DDX46: variants seen among roughly 807,000 people sequenced by gnomAD.
The protein encoded by DDX46 is DEAD-box helicase 46.
In DDX46, 30 loss-of-function variants were observed where a neutral mutation model predicts 134.9. The ratio of observed to expected loss-of-function variants is 0.22; its 90% CI spans 0.17 to 0.30. DDX46 has a LOEUF of 0.30. Among genes scored for constraint, DDX46 ranks in the 10% least tolerant of loss-of-function variants. The probability of loss-of-function intolerance (pLI) is 1.00; values close to 1 mark genes in which losing one functional copy is unlikely to be tolerated. For synonymous variants in DDX46, 415 were observed against 404.1 expected (o/e 1.03, Z -0.32); for missense variants, 622 against 1,248.7 (o/e 0.50, Z 7.56).
At chr5:134,772,866 A>G (rs746453719) in intron 4 of DDX46, among the ~76,000 whole-genome samples, 4 of 152,026 alleles carry the variant, frequency 2.6e-5, no homozygotes, top group Admixed American at 6.6e-5. Context: ...CAATGGCGTG[A>G]TCTCAGCTCG....
chr5:134,761,312 G>T (rs531539857), intron 1 of DDX46, among the ~76,000 whole-genome samples: 2 of 152,288 alleles, frequency 1.3e-5, no homozygotes, highest in South Asian at 2.1e-4. Context: ...GGCATGAGCC[G>T]CTGTGCCCAG....
chr5:134,812,952 T>G (rs1755188702), intron 18 of DDX46, among the ~76,000 whole-genome samples: 1 of 152,028 alleles, frequency 6.6e-6, no homozygotes, highest in Non-Finnish European at 1.5e-5. Context: ...AAGTCATTTT[T>G]TTTTTTTTGA....
At chr5:134,771,799 G>C (rs778279634) in intron 4 of DDX46, among the ~76,000 whole-genome samples, 3 of 152,114 alleles carry the variant, frequency 2.0e-5, no homozygotes, top group Non-Finnish European at 4.4e-5. Context: ...GATAAAAAAG[G>C]AAGATTAAAT....
chr5:134,790,588 A>T (rs1382024228), intron 13 of DDX46, 36 bp downstream of exon 13: 5 of 1,553,562 alleles, frequency 3.2e-6, no homozygotes, highest in Non-Finnish European at 4.4e-6. Flanking sequence ...TTGAAATGTA[A>T]ATATAACTTT....
rs538791212 is a variant in DDX46, at chr5:134,817,239, C to T, written c.2614-257C>T. On this transcript the variant is annotated intron_variant, in intron 19 of 22. Coordinates refer to ENST00000452510, the MANE Select transcript of DDX46 (RefSeq NM_001300860.2). ...ACATCAAGAGTTAGCTAATTATCAA[C>T]TACATCTCTATGATCTAGTAGAATA... 798 of 398,508 alleles carry T rather than the reference C, an allele frequency of 2.0e-3. 3 individuals are homozygous for T. Among genetic ancestry groups the T allele is most frequent in the Admixed American group, 2.6e-3 (60 of 23,468 alleles). 24.7% of individuals were successfully genotyped at this position (398,508 alleles called of 1,614,324 possible).
intron 4 of DDX46, among the ~76,000 whole-genome samples, chr5:134,771,860 G>T (rs60915010): frequency 6.6e-6 from 1 of 152,054 alleles, no homozygotes; most frequent in African/African-American, 2.4e-5. Context: ...ACATCTATAC[G>T]CAATATCTGT....
chr5:134,793,037 G>A (rs1370038353), intron 13 of DDX46, among the ~76,000 whole-genome samples: 2 of 152,006 alleles, frequency 1.3e-5, no homozygotes, highest in Non-Finnish European at 2.9e-5. Context: ...TGCGCCTATC[G>A]TCCCAGCTAC....
chr5:134,807,724 T>G, intron 15 of DDX46, 24 bp from the exon 16 acceptor site: 1 of 1,591,924 alleles, frequency 6.3e-7, no homozygotes, highest in African/African-American at 1.3e-5. Context: ...GAACATGTTT[T>G]AAAGCTCTCT....
At chr5:134,764,230 G>C in intron 2 of DDX46, 138 bp downstream of exon 2, 1 of 743,786 alleles carries the variant, frequency 1.3e-6, no homozygotes, top group Admixed American at 3.1e-5. Context: ...CTACTTGTTT[G>C]ATTAGACCCA....
chr5:134,767,339 ACT>A (rs1251306270), intron 3 of DDX46, among the ~76,000 whole-genome samples: 7 of 152,028 alleles, frequency 4.6e-5, no homozygotes, highest in African/African-American at 1.4e-4. Flanking sequence ...CTTTGTAGAA[ACT>A]CTGTCATTTT....
At chr5:134,772,688 T>G (rs1015181556) in intron 4 of DDX46, among the ~76,000 whole-genome samples, 1 of 152,090 alleles carries the variant, frequency 6.6e-6, no homozygotes, top group Non-Finnish European at 1.5e-5. Flanking sequence ...GTATTTTTCG[T>G]AGAAATGGGG....
intron 3 of DDX46, among the ~76,000 whole-genome samples, chr5:134,767,764 A>C (rs746089163): frequency 6.6e-6 from 1 of 151,786 alleles, no homozygotes; most frequent in Non-Finnish European, 1.5e-5. Context: ...CAGCCTGACC[A>C]TTGTGGATAA....
At chr5:134,799,398 C>T (rs567887767) in intron 15 of DDX46, among the ~76,000 whole-genome samples, 14 of 151,038 alleles carry the variant, frequency 9.3e-5, no homozygotes, top group Admixed American at 8.6e-4. Context: ...CATCCCTCCT[C>T]AGCCTCCTAA....
At chr5:134,798,420 C>G (rs1419707969) in intron 15 of DDX46, among the ~76,000 whole-genome samples, 1 of 152,122 alleles carries the variant, frequency 6.6e-6, no homozygotes, top group Non-Finnish European at 1.5e-5. Flanking sequence ...CCAGGCTGTT[C>G]TTGAGCTCCT....
chr5:134,816,206 C>G (rs929017175), intron 18 of DDX46, among the ~76,000 whole-genome samples: 5 of 152,162 alleles, frequency 3.3e-5, no homozygotes, highest in Non-Finnish European at 7.4e-5. Context: ...TCTCTGTTTT[C>G]TATTTTTCTC....
chr5:134,774,640 G>A (rs922732731), intron 5 of DDX46, among the ~76,000 whole-genome samples: 1 of 152,134 alleles, frequency 6.6e-6, no homozygotes, highest in Non-Finnish European at 1.5e-5. Flanking sequence ...CAATGTGAAC[G>A]TTAGTAAGGA....
At chr5:134,785,722 A>G in intron 11 of DDX46, 136 bp downstream of exon 11, 1 of 1,060,942 alleles carries the variant, frequency 9.4e-7, no homozygotes, top group East Asian at 2.8e-5. Context: ...AAGTATAAAA[A>G]TAATAGTAAG....
At chr5:134,827,069 T>C in intron 22 of DDX46, 49 bp downstream of exon 22, 1 of 1,535,678 alleles carries the variant, frequency 6.5e-7, no homozygotes, top group Non-Finnish European at 8.8e-7. Flanking sequence ...ATAAGTGTTT[T>C]ATTGAAATAT....
intron 13 of DDX46, among the ~76,000 whole-genome samples, chr5:134,794,405 A>G (rs561874803): frequency 6.6e-6 from 1 of 152,314 alleles, no homozygotes; most frequent in East Asian, 1.9e-4. Context: ...TTCTATCAGC[A>G]CAATTGTTGT....
Sources: gnomAD v4.1 joint callset for allele counts (sites outside exome capture counted in the v4.1 genomes callset) on GRCh38, gnomAD v4.1.1 for gene constraint, MANE v1.5 for transcripts, NCBI Gene and HGNC (gene_info 2026-07-23, HGNC 2026-07-21) for gene names.